The following TANGO6 variants were observed in gnomAD, a reference collection of about 807,000 sequenced individuals.
TANGO6 encodes the protein transport and Golgi organization protein 6 homolog.
Under a neutral mutation model 114.2 loss-of-function variants are expected in TANGO6, and 90 were observed. The ratio of observed to expected loss-of-function variants is 0.79; its 90% CI spans 0.66 to 0.94. The LOEUF is 0.94. Among genes scored for constraint, TANGO6 ranks in the 40% least tolerant of loss-of-function variants. The probability of loss-of-function intolerance (pLI) is 0.00; values close to 1 mark genes in which losing one functional copy is unlikely to be tolerated. For missense variants in TANGO6, 1,274 were observed against 1,315.3 expected, an observed-to-expected ratio of 0.97 and a Z score of 0.49; for synonymous variants, 477 against 509.8, an observed-to-expected ratio of 0.94 and a Z score of 0.87.
At position 68,998,626 on chromosome 16, in the gene TANGO6, GA is replaced by G. The variant is rs1964013771; in HGVS notation, c.2843-24201del. ...GACAACTGTAGTCCCAGCTACTTGG[GA>G]GGCTGAGGCAGGAGAATTGCTTGAA... On this transcript the variant is annotated intron_variant, in intron 15 of 17. Transcript: ENST00000261778. 2.0e-5 allele frequency among the ~76,000 whole-genome samples: 3 copies of G among 151,618 alleles called. No homozygotes were observed. The South Asian group carries it at 6.2e-4, about 32-fold the overall frequency.
rs1241643020 is a variant in TANGO6, at chr16:68,848,270, T to C, written c.94+4559T>C. Among the ~76,000 whole-genome samples the C allele has an allele frequency of 2.0e-5, 3 of 152,176 alleles. No homozygotes were observed. The East Asian group carries it at 5.8e-4, about 29-fold the overall frequency. ...TACAGGGATGTCACTGTGACAGCTTTCCTTTTATTCTTTTTTAAAAATAGA... is the reference window on the plus strand; with the variant it reads ...TACAGGGATGTCACTGTGACAGCTTCCCTTTTATTCTTTTTTAAAAATAGA... On this transcript the variant is annotated intron_variant, in intron 1 of 17. Coordinates refer to ENST00000261778, the MANE Select transcript of TANGO6 (RefSeq NM_024562.2).
intron 14 of TANGO6, among the ~76,000 whole-genome samples, chr16:68,941,551 C>T (rs1047710821): frequency 6.6e-6 from 1 of 151,984 alleles, no homozygotes; most frequent in African/African-American, 2.4e-5. Context: ...TGAGACCAGC[C>T]TGGCCAATAT....
Position 68,982,630 on chromosome 16 carries a change from C to CTTTTTTTT in TANGO6, c.2842+8477_2842+8484dup, listed in dbSNP as rs562523656. On this transcript the variant is annotated intron_variant, in intron 15 of 17. Coordinates refer to ENST00000261778, the MANE Select transcript of TANGO6 (RefSeq NM_024562.2). ...CAGGCATGAGCCACCATGCCCTGGC[C>CTTTTTTTT]TTTTTTTTTTTTTTTTTTTTTTGTA... Among the ~76,000 whole-genome samples, 95 of 105,302 alleles carry CTTTTTTTT rather than the reference C, an allele frequency of 9.0e-4. 6 individuals carry two copies. The highest frequency in any genetic ancestry group is 1.4e-3 in the Non-Finnish European group (77 of 54,682). The allele number at this position is 105,302 out of a possible 152,430, so 69.1% of individuals were successfully genotyped here. A position where few individuals can be genotyped will look rare whatever the true frequency, so the allele number is the denominator to read the frequency against.
At chr16:68,867,952 G>C (rs1300487107) in intron 4 of TANGO6, 1 of 150,802 alleles carries the variant, frequency 6.6e-6, no homozygotes, top group East Asian at 1.9e-4. Context: ...GACCAGCCTG[G>C]GCCACATAGC....
intron 16 of TANGO6, among the ~76,000 whole-genome samples, chr16:69,025,099 A>G (rs1959477279): frequency 6.6e-6 from 1 of 152,158 alleles, no homozygotes; most frequent in Non-Finnish European, 1.5e-5. Context: ...TTTTCTTCTC[A>G]GTCACTTTGC....
At chr16:68,903,955 C>T (rs1461035029) in intron 9 of TANGO6, among the ~76,000 whole-genome samples, 1 of 151,856 alleles carries the variant, frequency 6.6e-6, no homozygotes, top group Non-Finnish European at 1.5e-5. Flanking sequence ...TAAAGAAACT[C>T]TATAAGAGCA....
At chr16:68,860,785 A>T (rs999364143) in intron 2 of TANGO6, among the ~76,000 whole-genome samples, 1 of 151,982 alleles carries the variant, frequency 6.6e-6, no homozygotes, top group African/African-American at 2.4e-5. Flanking sequence ...TTTTTCTTTG[A>T]GCCTCTGTTT....
intron 14 of TANGO6, among the ~76,000 whole-genome samples, chr16:68,964,479 C>T (rs1192862637): frequency 1.3e-5 from 2 of 151,422 alleles, no homozygotes; most frequent in Middle Eastern, 6.3e-3. Context: ...TAGTTGAATT[C>T]AATAGAGACG....
chr16:68,909,421 C>T lies in TANGO6; in HGVS notation c.1992+19C>T. 6.8e-7 allele frequency: 1 copy of T among 1,472,654 alleles called. No homozygotes were observed. Among genetic ancestry groups the T allele is most frequent in the South Asian group, 1.4e-5 (1 of 69,890 alleles). The allele number at this position is 1,472,654 out of a possible 1,614,324, so 91.2% of individuals were successfully genotyped here. On this transcript the variant is annotated intron_variant, in intron 11 of 17. Coordinates refer to ENST00000261778, the MANE Select transcript of TANGO6 (RefSeq NM_024562.2). ...CACTCAGGTCAGTAGTTGCCACATT[C>T]TGGACCGCAGCCTTTTTTTCTTTCC...
At chr16:69,062,787 TAAA>T (rs35731381) in intron 17 of TANGO6, among the ~76,000 whole-genome samples, 1 of 113,734 alleles carries the variant, frequency 8.8e-6, no homozygotes, top group African/African-American at 3.3e-5. Context: ...AAAAGAAATT[TAAA>T]AAAAAAAAAA....
intron 14 of TANGO6, among the ~76,000 whole-genome samples, chr16:68,962,680 G>T (rs1022033565): frequency 6.6e-6 from 1 of 152,066 alleles, no homozygotes; most frequent in African/African-American, 2.4e-5. Flanking sequence ...AGAATTGCTT[G>T]AACCTGGGAG....
rs150567141 is a variant in TANGO6, at chr16:68,953,865, G to A, written c.2702-20163G>A. 3.2e-3 allele frequency among the ~76,000 whole-genome samples: 481 copies of A among 152,112 alleles called. 2 individuals carry two copies. Among genetic ancestry groups the A allele is most frequent in the African/African-American group, 0.011 (461 of 41,512 alleles). ...TAATTGCTTCACTAAACATGTTTTA[G>A]GGACATTTTCCCTGACAGCAAGGGA... On this transcript the variant is annotated intron_variant, in intron 14 of 17. Coordinates refer to ENST00000261778, the MANE Select transcript of TANGO6 (RefSeq NM_024562.2).
intron 15 of TANGO6, among the ~76,000 whole-genome samples, chr16:69,020,957 G>T (rs565616047): frequency 2.1e-5 from 3 of 143,616 alleles, no homozygotes; most frequent in African/African-American, 8.0e-5. Flanking sequence ...GTGTGTGTAT[G>T]CGGAATCTTC....
chr16:69,034,369 CT>C, intron 16 of TANGO6: 1 of 159,784 alleles, frequency 6.3e-6, no homozygotes, highest in Non-Finnish European at 1.4e-5. Context: ...CCAAGGCCAC[CT>C]TCAATGCCAT....
chr16:68,920,702 G>T (rs1963078377), intron 12 of TANGO6, among the ~76,000 whole-genome samples: 1 of 152,076 alleles, frequency 6.6e-6, no homozygotes. Flanking sequence ...TCACTAGCCT[G>T]TCTAAAAGGA....
chr16:68,990,977 G>A (rs1269817252), intron 15 of TANGO6, among the ~76,000 whole-genome samples: 1 of 152,192 alleles, frequency 6.6e-6, no homozygotes, highest in Non-Finnish European at 1.5e-5. Context: ...TGGGGCAAGA[G>A]ATGATGGTAG....
intron 17 of TANGO6, among the ~76,000 whole-genome samples, chr16:69,051,804 C>A (rs1959952521): frequency 6.6e-6 from 1 of 152,108 alleles, no homozygotes; most frequent in South Asian, 2.1e-4. Flanking sequence ...CAAGATCACG[C>A]CACTGCACTT....
chr16:68,912,600 C>G lies in TANGO6; in HGVS notation c.1992+3198C>G, dbSNP rs974025589. Among the ~76,000 whole-genome samples, 3 of 152,048 alleles carry G rather than the reference C, an allele frequency of 2.0e-5. 1 individual carries two copies. The highest frequency in any genetic ancestry group is 7.2e-5 in the African/African-American group (3 of 41,392). ...AGTGAGCCGAGATCGCACCACTGCA[C>G]TGCGCTTCAGGCTGGGTAACAAGAG... On this transcript the variant is annotated intron_variant, in intron 11 of 17. Coordinates refer to ENST00000261778, the MANE Select transcript of TANGO6 (RefSeq NM_024562.2).
chr16:68,899,135 A>C (rs1190443318), intron 7 of TANGO6, among the ~76,000 whole-genome samples: 1 of 152,088 alleles, frequency 6.6e-6, no homozygotes, highest in East Asian at 1.9e-4. Context: ...TTAGCCATGC[A>C]TGCTGGTGTG....
Sources: allele counts gnomAD v4.1 joint callset (sites outside exome capture counted in the v4.1 genomes callset), GRCh38; gene constraint gnomAD v4.1.1; transcripts MANE v1.5; gene names NCBI Gene and HGNC (gene_info 2026-07-23, HGNC 2026-07-21).